The following C12orf42 variants were observed in gnomAD, a reference collection of about 807,000 sequenced individuals.
C12orf42 encodes chromosome 12 open reading frame 42.
In C12orf42, 25 loss-of-function variants were observed where a neutral mutation model predicts 21.6. The ratio of observed to expected loss-of-function variants is 1.16; its 90% CI spans 0.84 to 1.62. C12orf42 has a LOEUF of 1.62. Among genes scored for constraint, C12orf42 ranks in the 40% most tolerant of loss-of-function variants. The probability of loss-of-function intolerance (pLI) is 0.00; values close to 1 mark genes in which losing one functional copy is unlikely to be tolerated. For missense variants in C12orf42, 483 were observed against 459.3 expected (o/e 1.05, Z -0.47); for synonymous variants, 174 against 175.0 (o/e 0.99, Z 0.05).
chr12:103,240,774 A>G (rs1289178047), intron 10 of C12orf42, among the ~76,000 whole-genome samples: 3 of 152,192 alleles, frequency 2.0e-5, no homozygotes, highest in African/African-American at 7.2e-5. Flanking sequence ...AGCACTTTAC[A>G]TTGCATTAAA....
At chr12:103,349,311 C>T (rs1350629125) in intron 4 of C12orf42, 1 of 152,006 alleles carries the variant, frequency 6.6e-6, no homozygotes, top group Non-Finnish European at 1.5e-5. Flanking sequence ...TTGAGAAGCC[C>T]ACCTTTAATG....
At chr12:103,561,191 G>T in the C12orf42 span, among the ~76,000 whole-genome samples, 1 of 152,138 alleles carries the variant, frequency 6.6e-6, no homozygotes, top group East Asian at 1.9e-4. Context: ...AGCCTCTTCC[G>T]TGGCTGTGGA....
chr12:103,259,855 T>C (rs2034803082), intron 10 of C12orf42, among the ~76,000 whole-genome samples: 1 of 152,196 alleles, frequency 6.6e-6, no homozygotes, highest in Admixed American at 6.5e-5. Context: ...TAGGCATTAA[T>C]TCTGGAAACA....
At chr12:103,142,636 A>T in the C12orf42 span, among the ~76,000 whole-genome samples, 2 of 152,186 alleles carry the variant, frequency 1.3e-5, no homozygotes, top group Non-Finnish European at 2.9e-5. Context: ...CTATAAAATG[A>T]CAGTTTTTAT....
chr12:103,307,300 T>TA (rs1303757030), intron 4 of C12orf42, among the ~76,000 whole-genome samples: 1 of 151,994 alleles, frequency 6.6e-6, no homozygotes, highest in Non-Finnish European at 1.5e-5. Context: ...TGTCAGAAGG[T>TA]AAAAAACAAT....
the C12orf42 span, among the ~76,000 whole-genome samples, chr12:103,194,311 T>G: frequency 2.6e-5 from 4 of 152,114 alleles, no homozygotes; most frequent in African/African-American, 4.8e-5. Flanking sequence ...GTACTGGAAT[T>G]CCTAGCCAGA....
chr12:103,487,713 C>T (rs1350269664), intron 1 of C12orf42, among the ~76,000 whole-genome samples: 1 of 152,098 alleles, frequency 6.6e-6, no homozygotes, highest in Non-Finnish European at 1.5e-5. Context: ...TATATAATGG[C>T]CTTCTTTGTC....
intron 2 of C12orf42, among the ~76,000 whole-genome samples, chr12:103,448,871 T>A (rs1359956777): frequency 6.6e-6 from 1 of 151,996 alleles, no homozygotes; most frequent in South Asian, 2.1e-4. Flanking sequence ...AACCACAGTA[T>A]ACAACACAGT....
the C12orf42 span, among the ~76,000 whole-genome samples, chr12:103,562,891 T>C: frequency 2.0e-5 from 3 of 152,212 alleles, no homozygotes; most frequent in East Asian, 3.8e-4. Flanking sequence ...GGCCCCTACA[T>C]TGAAAGACTC....
intron 4 of C12orf42, among the ~76,000 whole-genome samples, chr12:103,291,563 C>T (rs1470665952): frequency 6.6e-6 from 1 of 152,142 alleles, no homozygotes; most frequent in Non-Finnish European, 1.5e-5. Context: ...TACTTAATAG[C>T]TACTTCTTAA....
At chr12:103,209,633 T>C in the C12orf42 span, among the ~76,000 whole-genome samples, 1 of 152,280 alleles carries the variant, frequency 6.6e-6, no homozygotes, top group East Asian at 1.9e-4. Context: ...TAGGACCGTT[T>C]TCAAAGGAGA....
chr12:103,466,153 G>A (rs188749864), intron 2 of C12orf42, among the ~76,000 whole-genome samples: 3 of 152,210 alleles, frequency 2.0e-5, no homozygotes, highest in Admixed American at 6.5e-5. Flanking sequence ...TCAGTTGTTC[G>A]GAATAGTTTC....
chr12:103,062,425 C>T, the C12orf42 span, among the ~76,000 whole-genome samples: 68 of 151,924 alleles, frequency 4.5e-4, no homozygotes, highest in Admixed American at 6.6e-4. Context: ...AATTCTATAT[C>T]AATAAATATT....
downstream of C12orf42, among the ~76,000 whole-genome samples, chr12:103,234,512 T>C (rs2033408901): frequency 6.6e-6 from 1 of 152,218 alleles, no homozygotes; most frequent in African/African-American, 2.4e-5. Flanking sequence ...CTCACCCTGC[T>C]AATGCCTACT....
chr12:103,168,084 AC>A, the C12orf42 span: 2 of 455,800 alleles, frequency 4.4e-6, no homozygotes, highest in African/African-American at 4.0e-5. Flanking sequence ...TATTGTGGAT[AC>A]TTTTATTCAC....
intron 2 of C12orf42, chr12:103,478,028 G>A: frequency 4.4e-6 from 1 of 226,170 alleles, no homozygotes; most frequent in Non-Finnish European, 8.6e-6. Context: ...GCTTTAAAGT[G>A]AGCACATGTG....
chr12:103,344,760 C>T lies in C12orf42; in HGVS notation c.259+24127G>A, dbSNP rs1446397934. Among the ~76,000 whole-genome samples the T allele has an allele frequency of 1.3e-5, 2 of 152,074 alleles. 1 individual carries two copies. Among genetic ancestry groups the T allele is most frequent in the South Asian group, 4.1e-4 (2 of 4,832 alleles). The stretch of plus-strand genomic sequence containing the variant: ...CATCCATGTACAAACAGAGCAGAGA[C>T]AGCTAGTCTACAGAAAAAGAAGAGT... On this transcript the variant is annotated intron_variant, in intron 4 of 5. Coordinates refer to ENST00000548883, the MANE Select transcript of C12orf42 (RefSeq NM_198521.5).
the C12orf42 span, among the ~76,000 whole-genome samples, chr12:103,531,574 T>C: frequency 2.6e-5 from 4 of 152,238 alleles, no homozygotes; most frequent in African/African-American, 9.6e-5. Flanking sequence ...TCCCAGCTCA[T>C]GATTTCAGAG....
intron 2 of C12orf42, among the ~76,000 whole-genome samples, chr12:103,405,106 G>A (rs1398639314): frequency 6.6e-6 from 1 of 152,162 alleles, no homozygotes. Flanking sequence ...GGCATTAGAG[G>A]TCAGTCATTA....
Sources: allele counts gnomAD v4.1 joint callset (sites outside exome capture counted in the v4.1 genomes callset), GRCh38; gene constraint gnomAD v4.1.1; transcripts MANE v1.5; gene names NCBI Gene and HGNC (gene_info 2026-07-23, HGNC 2026-07-21).